The following ERC2 variants were observed in gnomAD, a reference collection of about 807,000 sequenced individuals.
ERC2 encodes ELKS/RAB6-interacting/CAST family member 2, also known as ERC protein 2.
In ERC2, 42 loss-of-function variants were observed where a neutral mutation model predicts 114.8. That is an observed-to-expected ratio of 0.37 (90% confidence interval 0.29 to 0.47). ERC2 has a LOEUF of 0.47. Ranked by LOEUF, ERC2 falls within the 20% of genes least tolerant of loss-of-function variation. The pLI is 0.99. For synonymous variants in ERC2, 454 were observed against 425.5 expected, an observed-to-expected ratio of 1.07 and a Z score of -0.82; for missense variants, 939 against 1,150.7, an observed-to-expected ratio of 0.82 and a Z score of 2.66.
intron 2 of ERC2, among the ~76,000 whole-genome samples, chr3:56,352,322 A>G (rs547355623): frequency 6.6e-6 from 1 of 152,320 alleles, no homozygotes; most frequent in Non-Finnish European, 1.5e-5. Context: ...GACACTTAGG[A>G]GACAGCATCA....
At chr3:56,328,214 C>T (rs908376357) in intron 2 of ERC2, among the ~76,000 whole-genome samples, 15 of 152,186 alleles carry the variant, frequency 9.9e-5, no homozygotes, top group African/African-American at 3.6e-4. Context: ...CCTACTTATG[C>T]TTCCAGTCTC....
intron 10 of ERC2, among the ~76,000 whole-genome samples, chr3:56,000,913 T>C (rs867868192): frequency 2.4e-4 from 35 of 147,776 alleles, no homozygotes; most frequent in Admixed American, 2.7e-4. Context: ...AAAAAAGTGA[T>C]GGGGGAAGAA....
chr3:55,929,497 T>C (rs1444902589), intron 13 of ERC2, among the ~76,000 whole-genome samples: 3 of 152,252 alleles, frequency 2.0e-5, no homozygotes, highest in Non-Finnish European at 2.9e-5. Context: ...TTCATTCCTG[T>C]TCTTCCAATG....
intron 4 of ERC2, among the ~76,000 whole-genome samples, chr3:56,151,719 T>C (rs2081421515): frequency 6.6e-6 from 1 of 152,192 alleles, no homozygotes; most frequent in Admixed American, 6.5e-5. Context: ...ACCTAATCTA[T>C]GTAAGGAGTA....
chr3:55,985,262 AT>A (rs2070508598), intron 12 of ERC2, among the ~76,000 whole-genome samples: 1 of 152,186 alleles, frequency 6.6e-6, no homozygotes, highest in Admixed American at 6.5e-5. Context: ...CCTGGGATGC[AT>A]TTTCAGACAA....
intron 2 of ERC2, among the ~76,000 whole-genome samples, chr3:56,408,894 C>T (rs1275360413): frequency 6.6e-6 from 1 of 152,224 alleles, no homozygotes; most frequent in Admixed American, 6.5e-5. Flanking sequence ...TCTGCACGCG[C>T]GCCTGAGGAA....
At chr3:55,893,807 C>T (rs79364072) in intron 13 of ERC2, among the ~76,000 whole-genome samples, 2,337 of 152,284 alleles carry the variant, frequency 0.015, 63 homozygotes, top group African/African-American at 0.053. Flanking sequence ...TAAGGTAGAA[C>T]ATAATTATGC....
At chr3:55,564,161 A>G (rs2056214476) in intron 17 of ERC2, among the ~76,000 whole-genome samples, 2 of 152,158 alleles carry the variant, frequency 1.3e-5, no homozygotes, top group African/African-American at 4.8e-5. Context: ...CTGCTGAGCA[A>G]TGGGGTGGAT....
chr3:55,764,733 C>T (rs1358495825), intron 14 of ERC2, among the ~76,000 whole-genome samples: 2 of 152,310 alleles, frequency 1.3e-5, no homozygotes, highest in Non-Finnish European at 2.9e-5. Flanking sequence ...TGTATTTACT[C>T]TTATACCTCC....
At chr3:55,672,175 G>GC (rs1048165681) in intron 17 of ERC2, among the ~76,000 whole-genome samples, 1 of 151,574 alleles carries the variant, frequency 6.6e-6, no homozygotes, top group Non-Finnish European at 1.5e-5. Context: ...CCATCTCTAG[G>GC]CCCCCCACCC....
At chr3:55,760,181 ATTAATGTGCTTCCCACTGCCTATAGTC>A (rs1346517785) in intron 14 of ERC2, among the ~76,000 whole-genome samples, 1 of 152,218 alleles carries the variant, frequency 6.6e-6, no homozygotes, top group African/African-American at 2.4e-5. Context: ...TCACAGGTAA[ATTAATGTGCTTCCCACTGCCTATAGTC>A]AAGGAGCAAA....
intron 10 of ERC2, among the ~76,000 whole-genome samples, chr3:55,993,717 C>T (rs1419980695): frequency 6.6e-6 from 1 of 151,540 alleles, no homozygotes; most frequent in African/African-American, 2.4e-5. Flanking sequence ...ATTCAACACA[C>T]TATCAGGTAC....
intron 10 of ERC2, among the ~76,000 whole-genome samples, chr3:56,000,711 C>A (rs2071977150): frequency 6.6e-6 from 1 of 151,710 alleles, no homozygotes; most frequent in Non-Finnish European, 1.5e-5. Flanking sequence ...GGTGGAATTC[C>A]TAGGAAACTT....
chr3:55,591,574 C>T (rs5849106), intron 17 of ERC2, among the ~76,000 whole-genome samples: 5,711 of 148,248 alleles, frequency 0.039, 290 homozygotes, highest in African/African-American at 0.11. Context: ...AGTTTGTGTG[C>T]GTGTGTGTGT....
chr3:55,903,011 T>A (rs1177440445), intron 13 of ERC2, among the ~76,000 whole-genome samples: 1 of 152,232 alleles, frequency 6.6e-6, no homozygotes, highest in African/African-American at 2.4e-5. Flanking sequence ...AAACATTCAC[T>A]GTTCATCTGG....
intron 14 of ERC2, among the ~76,000 whole-genome samples, chr3:55,799,264 A>T (rs2070776930): frequency 1.3e-5 from 2 of 151,870 alleles, no homozygotes; most frequent in Non-Finnish European, 2.9e-5. Context: ...GACTTCTCTG[A>T]CTTTGAAGAG....
At chr3:56,373,117 C>T (rs1359350416) in intron 2 of ERC2, among the ~76,000 whole-genome samples, 2 of 152,166 alleles carry the variant, frequency 1.3e-5, no homozygotes, top group Non-Finnish European at 2.9e-5. Context: ...CAGCAATTGT[C>T]TTCCAAATTA....
At chr3:55,686,953 A>G (rs1360561710) in intron 16 of ERC2, among the ~76,000 whole-genome samples, 1 of 152,204 alleles carries the variant, frequency 6.6e-6, no homozygotes, top group East Asian at 1.9e-4. Context: ...CAGAGAGCAC[A>G]GTGACCACAA....
Position 55,701,069 on chromosome 3 carries a change from G to A in ERC2, c.2713-1557C>T, listed in dbSNP as rs567051011. Reference sequence around the variant, plus strand: ...AATGAACCAACAATACTTTCAGAGAGCCAGAAGTCAGTGGTTGGCAGAGCC... The same window carrying A: ...AATGAACCAACAATACTTTCAGAGAACCAGAAGTCAGTGGTTGGCAGAGCC... On this transcript the variant is annotated intron_variant, in intron 15 of 17. Coordinates refer to ENST00000288221, the MANE Select transcript of ERC2 (RefSeq NM_015576.3). Among the ~76,000 whole-genome samples the A allele has an allele frequency of 2.6e-5, 4 of 152,116 alleles. No individual in the cohort carries two copies. In the South Asian group the frequency reaches 8.3e-4, roughly 32 times the overall value.
Sources: allele counts gnomAD v4.1 joint callset (sites outside exome capture counted in the v4.1 genomes callset), GRCh38; gene constraint gnomAD v4.1.1; transcripts MANE v1.5; gene names NCBI Gene and HGNC (gene_info 2026-07-23, HGNC 2026-07-21).